ADCY5: variants seen among roughly 807,000 people sequenced by gnomAD.
ADCY5 encodes adenylate cyclase type 5.
A neutral mutation model predicts 119.7 loss-of-function variants in ADCY5; 30 were observed. That is an observed-to-expected ratio of 0.25 (90% CI 0.19 to 0.34). ADCY5 has a LOEUF of 0.34. Ranked by LOEUF, ADCY5 falls within the 10% of genes least tolerant of loss-of-function variation. The pLI is 1.00. For synonymous variants in ADCY5, 753 were observed against 762.2 expected, an observed-to-expected ratio of 0.99 and a Z score of 0.20; for missense variants, 1,324 against 1,775.2, an observed-to-expected ratio of 0.75 and a Z score of 4.57.
intron 7 of ADCY5, 45 bp from the exon 8 acceptor site, chr3:123,325,507 G>A (rs369223208): frequency 1.4e-5 from 22 of 1,611,262 alleles, no homozygotes; most frequent in African/African-American, 5.3e-5. Context: ...GAGTCCAAGC[G>A]GAGGGCTCCT....
intron 1 of ADCY5, among the ~76,000 whole-genome samples, chr3:123,424,580 G>A (rs911006980): frequency 3.3e-5 from 5 of 152,218 alleles, no homozygotes; most frequent in East Asian, 1.9e-4. Context: ...AGCACAGCGA[G>A]GCCTTGGTGG....
intron 1 of ADCY5, among the ~76,000 whole-genome samples, chr3:123,419,434 T>C (rs1239208445): frequency 6.6e-6 from 1 of 152,062 alleles, no homozygotes; most frequent in Non-Finnish European, 1.5e-5. Context: ...TCAGGCCCCA[T>C]ACCCACGTTG....
intron 1 of ADCY5, among the ~76,000 whole-genome samples, chr3:123,405,644 A>AT (rs2107615787): frequency 6.6e-6 from 1 of 151,786 alleles, no homozygotes; most frequent in South Asian, 2.1e-4. Context: ...ATTTTATTTT[A>AT]TTTATTTTGA....
chr3:123,324,609 C>T (rs953144382), intron 8 of ADCY5, among the ~76,000 whole-genome samples: 3 of 152,212 alleles, frequency 2.0e-5, no homozygotes, highest in South Asian at 2.1e-4. Flanking sequence ...ACTGCAGTAA[C>T]GTGGCTTCTT....
chr3:123,322,357 T>C (rs1941263526), intron 8 of ADCY5, among the ~76,000 whole-genome samples: 1 of 152,218 alleles, frequency 6.6e-6, no homozygotes, highest in Admixed American at 6.5e-5. Flanking sequence ...CGATGCTCCT[T>C]TGGTCACCTG....
rs903893932 is a variant in ADCY5 at position 123,284,331 on chromosome 3, T to C, written c.*277A>G. 2.3e-6 allele frequency: 1 copy of C among 426,896 alleles called. No individual in the cohort carries two copies. Among genetic ancestry groups the C allele is most frequent in the Admixed American group, 3.6e-5 (1 of 27,438 alleles). 26.4% of individuals were successfully genotyped at this position (426,896 alleles called of 1,614,324 possible). A position where few individuals can be genotyped will look rare whatever the true frequency, so the allele number is the denominator to read the frequency against. Reference sequence around the variant, plus strand: ...TTTCCACCTGTGCAGCAGCACCTGTTAGAAAACTCAAGCTTCAGACCCAGT... The same window carrying C: ...TTTCCACCTGTGCAGCAGCACCTGTCAGAAAACTCAAGCTTCAGACCCAGT... On this transcript the variant is annotated 3_prime_UTR_variant, in exon 21 of 21. Coordinates refer to ENST00000462833, the MANE Select transcript of ADCY5 (RefSeq NM_183357.3).
intron 2 of ADCY5, among the ~76,000 whole-genome samples, chr3:123,350,522 C>T (rs1942786207): frequency 6.6e-6 from 1 of 152,208 alleles, no homozygotes; most frequent in Non-Finnish European, 1.5e-5. Flanking sequence ...CCTACATTTA[C>T]AACCACCTCT....
chr3:123,303,092 A>G lies in ADCY5; in HGVS notation c.2687T>C (p.Phe896Ser). 6.2e-7 allele frequency: 1 copy of G among 1,613,798 alleles called. No homozygotes were observed. The highest frequency in any genetic ancestry group is 8.5e-7 in the Non-Finnish European group (1 of 1,180,016). ...GCAGTTGGGCCAGGGGCTGCCACAG[A>G]AGCCCTGCTCATCGCCCAGGCTGTA... ...VNYSLGDEQG[F>S]CGSPWPNCNF... is the part of the protein sequence containing the mutation. Residue 896 changes from phenylalanine (F) to serine (S), a missense_variant, in exon 14 of 21, where the codon TTC (phenylalanine) becomes TCC (serine). This residue lies in a region of ADCY5 where 424 missense variants were observed against 546.8 expected (regional missense o/e 0.78). Transcript: ENST00000462833.
intron 1 of ADCY5, among the ~76,000 whole-genome samples, chr3:123,373,057 T>C (rs1477746294): frequency 6.6e-6 from 1 of 152,162 alleles, no homozygotes; most frequent in Admixed American, 6.5e-5. Flanking sequence ...CTCTAGGAAT[T>C]ATCCACAGCA....
At chr3:123,346,651 G>GTA (rs1559825231) in intron 3 of ADCY5, among the ~76,000 whole-genome samples, 12 of 82,500 alleles carry the variant, frequency 1.5e-4, no homozygotes, top group African/African-American at 5.4e-4. Flanking sequence ...CTGTGTGTAT[G>GTA]TGTGTGTGTG....
In ADCY5 at chr3:123,291,306, G is replaced by C. The variant is rs1172778565; in HGVS notation, c.3134C>G (p.Pro1045Arg). The C allele has an allele frequency of 6.2e-7, 1 of 1,613,978 alleles. No individual in the cohort carries two copies. The highest frequency in any genetic ancestry group is 1.7e-5 in the Admixed American group (1 of 60,028). ...YNRRLLHNIL[P>R]KDVAAHFLAR... ...CAGGAAGTGAGCGGCCACGTCCTTG[G>C]GCAGGATGTTGTGCAGCAGCCGCCG... The change falls in exon 18 of 21, where the codon CCC becomes CGC. Residue 1045 changes from proline to arginine, a missense_variant. Around this residue, in one of 6 missense-constraint regions of ADCY5, gnomAD observed 178 missense variants for 329.6 expected, o/e 0.54. Transcript: ENST00000462833.
intron 1 of ADCY5, among the ~76,000 whole-genome samples, chr3:123,440,852 T>TCCAG (rs1410166367): frequency 6.6e-6 from 1 of 151,742 alleles, no homozygotes; most frequent in African/African-American, 2.4e-5. Flanking sequence ...CAAGAGAGAG[T>TCCAG]CCAGGGCTGA....
At position 123,284,737 on chromosome 3, in the gene ADCY5, C is replaced by A. The variant is rs1169413868; in HGVS notation, c.3658-1G>T. The stretch of plus-strand genomic sequence containing the variant: ...GCACCTGGTACATGTCTGTGGTGAC[C>A]TGTGGGGGAACAGGAGGAGAGAGGG... On this transcript the variant is annotated splice_acceptor_variant, in intron 20 of 20. Coordinates refer to ENST00000462833, the MANE Select transcript of ADCY5 (RefSeq NM_183357.3). LOFTEE classifies it high-confidence loss of function. The A allele has an allele frequency of 1.2e-6, 2 of 1,614,188 alleles. No homozygotes were observed. The highest frequency in any genetic ancestry group is 2.2e-5 in the South Asian group (2 of 91,078).
chr3:123,377,788 C>T lies in ADCY5; in HGVS notation c.1135-25207G>A, dbSNP rs1030848175. 4.6e-5 allele frequency among the ~76,000 whole-genome samples: 7 copies of T among 151,920 alleles called. No individual in the cohort carries two copies. In the East Asian group the frequency reaches 1.2e-3, roughly 25 times the overall value. ...CTACTAAAAATACAAAAATTAGCTG[C>T]GTGTGGTGGTGTGTGCCTGTAGTCC... is the stretch of plus-strand genomic sequence containing the variant. On this transcript the variant is annotated intron_variant, in intron 1 of 20. Coordinates refer to ENST00000462833, the MANE Select transcript of ADCY5 (RefSeq NM_183357.3).
intron 1 of ADCY5, among the ~76,000 whole-genome samples, chr3:123,365,133 T>A (rs546768356): frequency 3.3e-5 from 5 of 152,226 alleles, no homozygotes; most frequent in African/African-American, 1.2e-4. Context: ...GAGGTTTGTA[T>A]ATTTAGTAGA....
intron 1 of ADCY5, among the ~76,000 whole-genome samples, chr3:123,432,327 G>A (rs771956758): frequency 1.3e-5 from 2 of 152,078 alleles, no homozygotes; most frequent in Non-Finnish European, 2.9e-5. Context: ...AGGTCCTCCC[G>A]CATCTCTTAA....
chr3:123,327,534 A>G lies in ADCY5; in HGVS notation c.1947+84T>C, dbSNP rs896626768. On this transcript the variant is annotated intron_variant, in intron 7 of 20. Transcript: ENST00000462833. ...AAGAAATTCATGACTTCACTCAAGG[A>G]AAGAGAAGGAAGCAGCAGGTCACGA... 16 of 1,367,868 alleles carry G rather than the reference A, an allele frequency of 1.2e-5. No individual in the cohort carries two copies. The Admixed American group carries it at 2.7e-4, about 23-fold the overall frequency. 84.7% of individuals were successfully genotyped at this position (1,367,868 alleles called of 1,614,324 possible).
At position 123,304,058 on chromosome 3, in the gene ADCY5, G is replaced by T. The variant is rs747792975; in HGVS notation, c.2559+9C>A. 1 of 1,589,790 alleles carries T rather than the reference G, an allele frequency of 6.3e-7. No individual in the cohort carries two copies. Among genetic ancestry groups the T allele is most frequent in the Admixed American group, 1.7e-5 (1 of 59,984 alleles). The stretch of plus-strand genomic sequence containing the variant: ...TGCGGAGGTGCTAGGAGGTCGTGCA[G>T]CCACCCACCATGTTGACAAAAGCCG... On this transcript the variant is annotated intron_variant, in intron 13 of 20. Coordinates refer to ENST00000462833, the MANE Select transcript of ADCY5 (RefSeq NM_183357.3).
At chr3:123,364,819 G>A (rs140286649) in intron 1 of ADCY5, among the ~76,000 whole-genome samples, 3 of 151,860 alleles carry the variant, frequency 2.0e-5, no homozygotes, top group South Asian at 2.1e-4. Flanking sequence ...CAGTATTAAC[G>A]TTTCCATTTA....
Sources: gnomAD v4.1 joint callset for allele counts (sites outside exome capture counted in the v4.1 genomes callset) on GRCh38, gnomAD v4.1.1 for gene constraint, gnomAD v4.1.1 regional missense constraint, MANE v1.5 for transcripts, NCBI Gene and HGNC (gene_info 2026-07-23, HGNC 2026-07-21) for gene names.